The following RCOR1 variants were observed in gnomAD, a reference collection of about 807,000 sequenced individuals.
RCOR1 encodes REST corepressor 1.
RCOR1 carries 12 observed loss-of-function variants against 64.0 expected under a neutral mutation model. The ratio of observed to expected loss-of-function variants is 0.19; its 90% CI spans 0.12 to 0.30. RCOR1 has a LOEUF of 0.30. Among genes scored for constraint, RCOR1 ranks in the 10% least tolerant of loss-of-function variants. The pLI is 1.00. For synonymous variants in RCOR1, 279 were observed against 227.2 expected (o/e 1.23, Z -2.05); for missense variants, 502 against 621.2 (o/e 0.81, Z 2.04).
intron 2 of RCOR1, among the ~76,000 whole-genome samples, chr14:102,617,549 C>G (rs1893786177): frequency 6.6e-6 from 1 of 151,010 alleles, no homozygotes; most frequent in African/African-American, 2.4e-5. Flanking sequence ...TGAATAGTCA[C>G]TGCACTCCAG....
chr14:102,702,311 C>A (rs1595237567), intron 4 of RCOR1, among the ~76,000 whole-genome samples: 2 of 152,090 alleles, frequency 1.3e-5, no homozygotes, highest in African/African-American at 4.8e-5. Flanking sequence ...TAGTCTTGAT[C>A]ATTTCTCCTT....
intron 2 of RCOR1, among the ~76,000 whole-genome samples, chr14:102,612,599 G>A (rs1402830629): frequency 1.3e-5 from 2 of 152,072 alleles, no homozygotes; most frequent in Non-Finnish European, 2.9e-5. Flanking sequence ...GCCTCCCAAA[G>A]TGGTGGGATT....
chr14:102,657,271 T>G, intron 2 of RCOR1: 1 of 985,386 alleles, frequency 1.0e-6, no homozygotes, highest in Non-Finnish European at 1.2e-6. Context: ...CCCACCTGTA[T>G]GTATGCTTTT....
chr14:102,619,054 T>C (rs1893819394), intron 2 of RCOR1, among the ~76,000 whole-genome samples: 1 of 152,178 alleles, frequency 6.6e-6, no homozygotes, highest in Admixed American at 6.5e-5. Flanking sequence ...GTGGAACAGG[T>C]AGGCATGGAC....
chr14:102,645,679 T>A (rs1894463580), intron 2 of RCOR1, among the ~76,000 whole-genome samples: 1 of 152,204 alleles, frequency 6.6e-6, no homozygotes, highest in Admixed American at 6.5e-5. Context: ...TGTTCCTTAG[T>A]CTTGCTGCCT....
intron 2 of RCOR1, among the ~76,000 whole-genome samples, chr14:102,611,582 G>A (rs1433404271): frequency 6.6e-6 from 1 of 152,112 alleles, no homozygotes; most frequent in East Asian, 1.9e-4. Context: ...ATATTCTTGA[G>A]TTTTGTTCTG....
chr14:102,658,491 A>G (rs1247412395), intron 2 of RCOR1: 2 of 979,316 alleles, frequency 2.0e-6, no homozygotes, highest in Non-Finnish European at 2.4e-6. Context: ...GAAAAAAATA[A>G]TAATAAAAAT....
chr14:102,712,313 G>C (rs1895977208), intron 7 of RCOR1, among the ~76,000 whole-genome samples: 1 of 151,838 alleles, frequency 6.6e-6, no homozygotes, highest in Admixed American at 6.6e-5. Context: ...CTACCGAGTA[G>C]CTGGGATTAT....
At chr14:102,607,306 A>G (rs1005584271) in intron 2 of RCOR1, among the ~76,000 whole-genome samples, 8 of 152,156 alleles carry the variant, frequency 5.3e-5, no homozygotes, top group Non-Finnish European at 1.2e-4. Context: ...CTAGGGAAAA[A>G]TTGTCTTTTA....
At chr14:102,641,979 A>T (rs1252462937) in intron 2 of RCOR1, among the ~76,000 whole-genome samples, 1 of 152,202 alleles carries the variant, frequency 6.6e-6, no homozygotes, top group African/African-American at 2.4e-5. Context: ...TATTAAAAAA[A>T]CTTGCATCAT....
intron 2 of RCOR1, among the ~76,000 whole-genome samples, chr14:102,666,001 A>G (rs1264898611): frequency 1.3e-5 from 2 of 152,218 alleles, no homozygotes; most frequent in African/African-American, 4.8e-5. Flanking sequence ...ACTGTGATAG[A>G]GAAGGTGTCC....
rs1896269832 is a variant in RCOR1 at position 102,726,640 on chromosome 14, C to G, written c.*134C>G. On this transcript the variant is annotated 3_prime_UTR_variant, in exon 12 of 12. Coordinates refer to ENST00000262241, the MANE Select transcript of RCOR1 (RefSeq NM_015156.4). ...TATTACCAAAAAAGGCATATACTTCCAGTCCTGTGCTCCATCTGCCTTAAT... is the reference window on the plus strand; with the variant it reads ...TATTACCAAAAAAGGCATATACTTCGAGTCCTGTGCTCCATCTGCCTTAAT... The G allele has an allele frequency of 1.4e-6, 1 of 712,984 alleles. No homozygotes were observed. Among genetic ancestry groups the G allele is most frequent in the African/African-American group, 1.8e-5 (1 of 55,546 alleles). 44.2% of individuals were successfully genotyped at this position (712,984 alleles called of 1,614,324 possible). A position where few individuals can be genotyped will look rare whatever the true frequency, so the allele number is the denominator to read the frequency against.
intron 2 of RCOR1, among the ~76,000 whole-genome samples, chr14:102,668,234 C>A (rs1328233159): frequency 6.6e-6 from 1 of 152,200 alleles, no homozygotes; most frequent in Non-Finnish European, 1.5e-5. Flanking sequence ...ACACACTATA[C>A]ACGTTTAGAA....
intron 2 of RCOR1, chr14:102,649,817 G>A (rs1894548148): frequency 2.0e-6 from 2 of 979,508 alleles, no homozygotes; most frequent in Admixed American, 6.2e-5. Flanking sequence ...GACGAAATTG[G>A]CATTAGGAAT....
intron 2 of RCOR1, among the ~76,000 whole-genome samples, chr14:102,625,056 G>T (rs1893952904): frequency 6.6e-6 from 1 of 151,686 alleles, no homozygotes; most frequent in Admixed American, 6.6e-5. Flanking sequence ...AATTATTTTT[G>T]TAGAGATAAG....
intron 2 of RCOR1, among the ~76,000 whole-genome samples, chr14:102,596,564 C>A (rs1180769650): frequency 6.6e-6 from 1 of 151,576 alleles, no homozygotes; most frequent in Non-Finnish European, 1.5e-5. Context: ...TTGTTTTTTT[C>A]TTTTTTCTTT....
rs2139995584 is a variant in RCOR1, at chr14:102,722,184, T to C, written c.1190-3T>C. 1.2e-6 allele frequency: 2 copies of C among 1,608,626 alleles called. No individual in the cohort carries two copies. The highest frequency in any genetic ancestry group is 4.5e-5 in the East Asian group (2 of 44,864). On this transcript the variant is annotated splice_region_variant and splice_polypyrimidine_tract_variant and intron_variant, in intron 10 of 11. Transcript: ENST00000262241. ...TTTAAAAAATGCTTTCTTACATCCT[T>C]AGCCATCAGGAAATATGGCCGAGAT...
At position 102,729,266 on chromosome 14, in the gene RCOR1, G is replaced by A. The variant is rs1328817844; in HGVS notation, c.*2760G>A. The A allele has an allele frequency of 6.5e-6, 1 of 152,676 alleles. No individual in the cohort carries two copies. Among genetic ancestry groups the A allele is most frequent in the Non-Finnish European group, 1.5e-5 (1 of 68,056 alleles). The allele number at this position is 152,676 out of a possible 1,614,324, so 9.5% of individuals were successfully genotyped here. A position where few individuals can be genotyped will look rare whatever the true frequency, so the allele number is the denominator to read the frequency against. On this transcript the variant is annotated 3_prime_UTR_variant, in exon 12 of 12. Coordinates refer to ENST00000262241, the MANE Select transcript of RCOR1 (RefSeq NM_015156.4). ...TTGTTTTATTTAATTTTATGTAGAT[G>A]TGTGAAGTGTTAGGTAAAATTTTTT...
chr14:102,639,986 C>CA (rs1472872389), intron 2 of RCOR1, among the ~76,000 whole-genome samples: 3 of 152,174 alleles, frequency 2.0e-5, no homozygotes, highest in African/African-American at 7.2e-5. Context: ...GCTGGGATTA[C>CA]AGGCATCTGC....
Sources: allele counts gnomAD v4.1 joint callset (sites outside exome capture counted in the v4.1 genomes callset), GRCh38; gene constraint gnomAD v4.1.1; transcripts MANE v1.5; gene names NCBI Gene and HGNC (gene_info 2026-07-23, HGNC 2026-07-21).